PDE1C: variants seen among roughly 807,000 people sequenced by gnomAD.
PDE1C encodes dual specificity calcium/calmodulin-dependent 3',5'-cyclic nucleotide phosphodiesterase 1C.
A neutral mutation model predicts 93.1 loss-of-function variants in PDE1C; 62 were observed. That is an observed-to-expected ratio of 0.67 (90% confidence interval 0.54 to 0.82). PDE1C has a LOEUF of 0.82. PDE1C is among the 40% of genes least tolerant of loss of function. PDE1C has a pLI of 0.00. For synonymous variants in PDE1C, 325 were observed against 310.1 expected (o/e 1.05, Z -0.50); for missense variants, 742 against 884.6 (o/e 0.84, Z 2.04).
the PDE1C span, chr7:31,643,517 T>G: frequency 6.2e-7 from 1 of 1,614,018 alleles, no homozygotes; most frequent in Non-Finnish European, 8.5e-7. Flanking sequence ...TCCTCCAGCC[T>G]GGTGTCGGCT....
intron 1 of PDE1C, among the ~76,000 whole-genome samples, chr7:32,058,830 G>C (rs1263184521): frequency 6.6e-6 from 1 of 152,116 alleles, no homozygotes; most frequent in African/African-American, 2.4e-5. Context: ...TAGAGTAAGA[G>C]AATCTCCTGT....
At chr7:32,072,823 T>C (rs555979636), upstream of PDE1C, among the ~76,000 whole-genome samples, 2 of 152,348 alleles carry the variant, frequency 1.3e-5, no homozygotes, top group South Asian at 2.1e-4. Flanking sequence ...GTTTGAGTTA[T>C]GGCTGATTAC....
intron 1 of PDE1C, among the ~76,000 whole-genome samples, chr7:32,295,344 G>A (rs1812562044): frequency 6.6e-6 from 1 of 152,186 alleles, no homozygotes; most frequent in African/African-American, 2.4e-5. Context: ...ACGGGTCAGG[G>A]CAGATGTGGT....
chr7:32,335,789 T>C (rs1783607592), intron 1 of PDE1C, among the ~76,000 whole-genome samples: 1 of 152,090 alleles, frequency 6.6e-6, no homozygotes, highest in South Asian at 2.1e-4. Flanking sequence ...AGTGCAGTGG[T>C]GCGATCATGG....
At chr7:31,919,747 T>C (rs1802373026) in intron 2 of PDE1C, among the ~76,000 whole-genome samples, 3 of 152,168 alleles carry the variant, frequency 2.0e-5, no homozygotes, top group Non-Finnish European at 4.4e-5. Flanking sequence ...GGCTTTACCT[T>C]AAATGCTTGC....
At chr7:31,967,131 G>C (rs1449542215) in intron 2 of PDE1C, among the ~76,000 whole-genome samples, 1 of 152,128 alleles carries the variant, frequency 6.6e-6, no homozygotes, top group East Asian at 1.9e-4. Context: ...GAAGGAAATA[G>C]AGACACAAAA....
At chr7:31,841,387 G>A (rs1183716600) in intron 9 of PDE1C, among the ~76,000 whole-genome samples, 1 of 151,942 alleles carries the variant, frequency 6.6e-6, no homozygotes, top group Non-Finnish European at 1.5e-5. Context: ...CATGTCATTT[G>A]CTATTAACAT....
chr7:31,777,131 TAAAGTA>T (rs1019648642), intron 16 of PDE1C, among the ~76,000 whole-genome samples: 2 of 150,032 alleles, frequency 1.3e-5, no homozygotes, highest in African/African-American at 5.0e-5. Flanking sequence ...CCCTAAAACT[TAAAGTA>T]TAATAAAAAA....
At chr7:32,401,745 A>G (rs1159628706) in intron 1 of PDE1C, among the ~76,000 whole-genome samples, 2 of 152,302 alleles carry the variant, frequency 1.3e-5, no homozygotes, top group African/African-American at 2.4e-5. Context: ...AAGCAGAAGT[A>G]GAGGCTACAT....
chr7:31,709,141 G>C, the PDE1C span, among the ~76,000 whole-genome samples: 30 of 152,170 alleles, frequency 2.0e-4, no homozygotes, highest in African/African-American at 7.2e-4. Flanking sequence ...GAGTACACCT[G>C]TAGCCATGTC....
chr7:31,668,660 G>A, the PDE1C span, among the ~76,000 whole-genome samples: 1 of 152,170 alleles, frequency 6.6e-6, no homozygotes, highest in African/African-American at 2.4e-5. Flanking sequence ...CTTAGCGGTT[G>A]TCTACGGCTG....
At chr7:32,211,221 A>G (rs1806005392) in intron 1 of PDE1C, among the ~76,000 whole-genome samples, 1 of 152,196 alleles carries the variant, frequency 6.6e-6, no homozygotes, top group African/African-American at 2.4e-5. Flanking sequence ...AAAAATAAAA[A>G]GAAAGAAATT....
intron 1 of PDE1C, among the ~76,000 whole-genome samples, chr7:32,426,340 CTCAGCTCACT>C (rs1785533142): frequency 6.7e-6 from 1 of 149,548 alleles, no homozygotes; most frequent in African/African-American, 2.5e-5. Context: ...ATGGCATGAT[CTCAGCTCACT>C]GCAGCCTCGA....
Position 32,340,957 on chromosome 7 carries a change from A to T in PDE1C, c.310+86865T>A, listed in dbSNP as rs1783735352. Among the ~76,000 whole-genome samples, 3 of 152,120 alleles carry T rather than the reference A, an allele frequency of 2.0e-5. 1 individual carries two copies. The highest frequency in any genetic ancestry group is 2.0e-4 in the Admixed American group (3 of 15,280). ...TCAGTATACATTCATCCAAACCCAT[A>T]GACTGTGCAACACCAAGAATGGCCC... On this transcript the variant is annotated intron_variant, in intron 1 of 1. Transcript: ENST00000672256.
intron 1 of PDE1C, among the ~76,000 whole-genome samples, chr7:32,278,494 A>C (rs568304573): frequency 6.6e-6 from 1 of 152,352 alleles, no homozygotes; most frequent in African/African-American, 2.4e-5. Context: ...TGAAAAATCC[A>C]TTAGAAGAGA....
At chr7:32,312,334 G>C (rs552776243) in intron 1 of PDE1C, among the ~76,000 whole-genome samples, 1 of 145,418 alleles carries the variant, frequency 6.9e-6, no homozygotes. Flanking sequence ...TACTGCCCAA[G>C]GTAATTTATA....
the PDE1C span, among the ~76,000 whole-genome samples, chr7:31,619,954 T>C: frequency 1.3e-5 from 2 of 152,190 alleles, no homozygotes; most frequent in African/African-American, 4.8e-5. Flanking sequence ...CAGGAGACTA[T>C]ATCCCGCACC....
chr7:32,361,998 G>A (rs139711318), intron 1 of PDE1C, among the ~76,000 whole-genome samples: 2,075 of 152,312 alleles, frequency 0.014, 32 homozygotes, highest in Middle Eastern at 0.041. Flanking sequence ...GCTCTGCTCT[G>A]TGGAGACTGG....
intron 3 of PDE1C, among the ~76,000 whole-genome samples, chr7:32,096,820 A>AAGATAGATAGAT (rs70989634): frequency 0.14 from 20,600 of 144,242 alleles, 1,563 homozygotes; most frequent in East Asian, 0.28. Context: ...AGGGGATAGA[A>AAGATAGATAGAT]AGATAGATAG....
Sources: allele counts gnomAD v4.1 joint callset (sites outside exome capture counted in the v4.1 genomes callset), GRCh38; gene constraint gnomAD v4.1.1; transcripts MANE v1.5; gene names NCBI Gene and HGNC (gene_info 2026-07-23, HGNC 2026-07-21).